Variants in COL4A4 observed in about 807,000 individuals in gnomAD.
The protein encoded by COL4A4 is collagen alpha-4(IV) chain.
A neutral mutation model predicts 192.9 loss-of-function variants in COL4A4; 105 were observed. The observed-to-expected ratio is 0.54, with a 90% confidence interval of 0.46 to 0.64. The LOEUF (loss-of-function observed/expected upper bound fraction) is 0.64, where lower values mean the gene tolerates loss of function less well. COL4A4 is among the 30% of genes least tolerant of loss of function. The pLI is 0.00. For synonymous variants in COL4A4, 762 were observed against 769.9 expected, an observed-to-expected ratio of 0.99 and a Z score of 0.17; for missense variants, 1,967 against 2,169.3, an observed-to-expected ratio of 0.91 and a Z score of 1.85.
the COL4A4 span, among the ~76,000 whole-genome samples, chr2:226,976,907 C>A: frequency 6.6e-6 from 1 of 152,158 alleles, no homozygotes; most frequent in Non-Finnish European, 1.5e-5. Flanking sequence ...TTTATTTTGA[C>A]CCCCTCCTCC....
chr2:226,997,318 T>A, the COL4A4 span: 4 of 152,244 alleles, frequency 2.6e-5, no homozygotes, highest in Admixed American at 2.0e-4. Context: ...TTGACTCCCG[T>A]TACCCCAATT....
chr2:226,970,615 C>G, the COL4A4 span, among the ~76,000 whole-genome samples: 1 of 152,176 alleles, frequency 6.6e-6, no homozygotes, highest in Non-Finnish European at 1.5e-5. Context: ...TCAAACATAG[C>G]GAGAGGCACT....
intron 35 of COL4A4, among the ~76,000 whole-genome samples, chr2:227,045,822 A>AG (rs1273612211): frequency 8.4e-5 from 3 of 35,794 alleles, no homozygotes; most frequent in South Asian, 1.4e-3. Flanking sequence ...ATATACACAT[A>AG]TATATATATA....
intron 44 of COL4A4, among the ~76,000 whole-genome samples, chr2:227,015,999 A>G (rs1200292756): frequency 6.6e-6 from 1 of 151,772 alleles, no homozygotes; most frequent in Non-Finnish European, 1.5e-5. Context: ...CTAAAGGTAC[A>G]TCTCCCATCT....
chr2:227,144,868 C>T (rs1329452432), intron 2 of COL4A4, among the ~76,000 whole-genome samples: 1 of 152,106 alleles, frequency 6.6e-6, no homozygotes, highest in East Asian at 1.9e-4. Flanking sequence ...AGATGATTCT[C>T]AGAATGAAAA....
intron 27 of COL4A4, 136 bp downstream of exon 27, chr2:227,060,000 A>T: frequency 3.0e-6 from 2 of 676,072 alleles, no homozygotes; most frequent in Non-Finnish European, 5.0e-6. Flanking sequence ...CTATCAAGAA[A>T]CACCATTTCC....
At position 227,045,900 on chromosome 2, in the gene COL4A4, AG is replaced by A. The variant is rs1237461022; in HGVS notation, c.3289+1574del. ...CATATATATGTATATATATTTAGATAGTATATATATGTATGTATATGTATAT... is the reference window on the plus strand; with the variant it reads ...CATATATATGTATATATATTTAGATATATATATATGTATGTATATGTATAT... On this transcript the variant is annotated intron_variant, in intron 35 of 47. Transcript: ENST00000396625. 2.5e-3 allele frequency among the ~76,000 whole-genome samples: 211 copies of A among 84,908 alleles called. 50 individuals carry two copies. Among genetic ancestry groups the A allele is most frequent in the African/African-American group, 9.0e-3 (184 of 20,542 alleles). The allele number at this position is 84,908 out of a possible 152,430, so 55.7% of individuals were successfully genotyped here.
chr2:227,077,460 G>A (rs2059087843), intron 25 of COL4A4, among the ~76,000 whole-genome samples: 1 of 152,112 alleles, frequency 6.6e-6, no homozygotes, highest in South Asian at 2.1e-4. Context: ...ATGGACACAG[G>A]GAGGGGAACA....
rs116731390 is a variant in COL4A4 at position 227,085,750 on chromosome 2, T to G, written c.1623+2903A>C. 4.2e-3 allele frequency among the ~76,000 whole-genome samples: 633 copies of G among 152,186 alleles called. 4 individuals are homozygous for G. Among genetic ancestry groups the G allele is most frequent in the African/African-American group, 0.014 (585 of 41,540 alleles). On this transcript the variant is annotated intron_variant, in intron 22 of 47. Transcript: ENST00000396625. ...CACCAAAGGGATGGAGCTAAGCCAT[T>G]CGTGAGGGATCCACCCCCATGACCA...
intron 16 of COL4A4, 117 bp downstream of exon 16, chr2:227,101,748 G>A (rs2060535988): frequency 1.3e-5 from 14 of 1,062,438 alleles, no homozygotes; most frequent in Non-Finnish European, 2.0e-5. Context: ...TCCATAAAAT[G>A]AATGTGTCTG....
intron 37 of COL4A4, among the ~76,000 whole-genome samples, chr2:227,041,861 AGAAAGAAAGAAAG>A: frequency 9.5e-6 from 1 of 105,790 alleles, no homozygotes; most frequent in African/African-American, 4.3e-5. Context: ...AAAGAAAGAA[AGAAAGAAAGAAAG>A]AAAGAAAGAA....
intron 34 of COL4A4, among the ~76,000 whole-genome samples, chr2:227,048,809 G>A (rs1973448824): frequency 6.6e-6 from 1 of 152,160 alleles, no homozygotes; most frequent in South Asian, 2.1e-4. Flanking sequence ...GAAAAGGAGT[G>A]ACTTCTGAAC....
chr2:227,149,996 A>C (rs1255476120), intron 1 of COL4A4, among the ~76,000 whole-genome samples: 1 of 152,186 alleles, frequency 6.6e-6, no homozygotes, highest in Non-Finnish European at 1.5e-5. Context: ...GTTACCATAT[A>C]ATCTCTATGA....
intron 26 of COL4A4, among the ~76,000 whole-genome samples, chr2:227,061,826 G>C (rs1977133943): frequency 6.6e-6 from 1 of 152,136 alleles, no homozygotes; most frequent in Admixed American, 6.5e-5. Context: ...GAGATATTTG[G>C]GCATTTTTTT....
intron 12 of COL4A4, among the ~76,000 whole-genome samples, chr2:227,107,971 T>C (rs748688095): frequency 2.0e-5 from 3 of 152,070 alleles, no homozygotes; most frequent in Non-Finnish European, 2.9e-5. Flanking sequence ...TTGGCCAGGA[T>C]GGTCTCAGTC....
intron 46 of COL4A4, 135 bp from the exon 47 acceptor site, chr2:227,008,439 G>A: frequency 9.9e-7 from 1 of 1,006,190 alleles, no homozygotes. Context: ...TGCTTCTGTG[G>A]TGAGGAAGCC....
In COL4A4 at chr2:227,008,119, C is replaced by G. The variant is rs757328549; in HGVS notation, c.4708G>C (p.Glu1570Gln). 1 of 1,613,934 alleles carries G rather than the reference C, an allele frequency of 6.2e-7. No individual in the cohort carries two copies. The highest frequency in any genetic ancestry group is 1.3e-5 in the African/African-American group (1 of 74,952). Reference sequence around the variant, plus strand: ...ACCGCCACCGCCTGGGCCGGGGCCTCGCATACCGCACAGCGGCTGACATAG... The same window carrying G: ...ACCGCCACCGCCTGGGCCGGGGCCTGGCATACCGCACAGCGGCTGACATAG... ...RPYVSRCAVCEAPAQAVAVHS... is the reference protein window; with the variant it reads ...RPYVSRCAVCQAPAQAVAVHS... The change falls in exon 47 of 48, where the codon GAG becomes CAG. Residue 1570 changes from glutamate to glutamine, a missense_variant. By Grantham distance (29) the Glu-to-Gln change is conservative. Transcript: ENST00000396625.
intron 6 of COL4A4, among the ~76,000 whole-genome samples, chr2:227,119,671 G>A (rs1264084257): frequency 6.7e-6 from 1 of 148,322 alleles, no homozygotes; most frequent in East Asian, 2.0e-4. Flanking sequence ...TCTATATCTT[G>A]TATATCTAAT....
chr2:227,089,752 G>T, intron 21 of COL4A4, 116 bp downstream of exon 21: 1 of 823,840 alleles, frequency 1.2e-6, no homozygotes, highest in Non-Finnish European at 2.1e-6. Context: ...TACTCTAGTG[G>T]GTGACTAAGG....
Sources: allele counts gnomAD v4.1 joint callset (sites outside exome capture counted in the v4.1 genomes callset), GRCh38; gene constraint gnomAD v4.1.1; transcripts MANE v1.5; gene names NCBI Gene and HGNC (gene_info 2026-07-23, HGNC 2026-07-21).